The following PDE3B variants were observed in gnomAD, a reference collection of about 807,000 sequenced individuals.
PDE3B encodes phosphodiesterase 3B.
PDE3B carries 66 observed loss-of-function variants against 116.8 expected under a neutral mutation model. The observed-to-expected ratio is 0.56, with a 90% confidence interval of 0.46 to 0.69. The LOEUF (loss-of-function observed/expected upper bound fraction) is 0.69, where lower values mean the gene tolerates loss of function less well. Among genes scored for constraint, PDE3B ranks in the 30% least tolerant of loss-of-function variants. PDE3B has a pLI of 0.00. For missense variants in PDE3B, 1,384 were observed against 1,368.1 expected, an observed-to-expected ratio of 1.01 and a Z score of -0.18; for synonymous variants, 595 against 533.6, an observed-to-expected ratio of 1.12 and a Z score of -1.59.
chr11:14,746,208 A>T (rs1372280496), intron 1 of PDE3B, among the ~76,000 whole-genome samples: 1 of 152,148 alleles, frequency 6.6e-6, no homozygotes, highest in Non-Finnish European at 1.5e-5. Flanking sequence ...AGCCTGGCCA[A>T]CATGGTGAAA....
In PDE3B at chr11:14,800,940, A is replaced by G. The variant is rs143813966; in HGVS notation, c.1416-3004A>G. ...TGATATCCTTTCTTCCACTTGATCA[A>G]TTAGGCTATTGATACTTGTGTATGC... On this transcript the variant is annotated intron_variant, in intron 4 of 15. Transcript: ENST00000282096. Among the ~76,000 whole-genome samples the G allele has an allele frequency of 6.3e-3, 958 of 152,124 alleles. 12 individuals are homozygous for G. Among genetic ancestry groups the G allele is most frequent in the African/African-American group, 0.022 (907 of 41,480 alleles).
chr11:14,892,353 C>G, the PDE3B span: 3 of 728,940 alleles, frequency 4.1e-6, no homozygotes, highest in Non-Finnish European at 6.8e-6. Context: ...CAGGCCCCTT[C>G]GGGACAACTA....
intron 2 of PDE3B, among the ~76,000 whole-genome samples, chr11:14,780,434 A>G (rs1857953079): frequency 6.6e-6 from 1 of 152,228 alleles, no homozygotes; most frequent in African/African-American, 2.4e-5. Flanking sequence ...TCCTCAGCAA[A>G]TGTAAAAGAA....
At chr11:14,672,590 T>C (rs896437676) in intron 1 of PDE3B, among the ~76,000 whole-genome samples, 1 of 152,146 alleles carries the variant, frequency 6.6e-6, no homozygotes, top group Non-Finnish European at 1.5e-5. Context: ...AAGAAGTTTA[T>C]TTATCATATA....
chr11:14,750,469 A>G (rs1295369459), intron 1 of PDE3B, among the ~76,000 whole-genome samples: 1 of 152,104 alleles, frequency 6.6e-6, no homozygotes, highest in African/African-American at 2.4e-5. Context: ...CTTTATATCC[A>G]CTATAGTTGT....
In PDE3B at chr11:14,644,795, G is replaced by T. The variant is rs1456927833; in HGVS notation, c.720G>T (p.Leu240=). The change falls in exon 1 of 16, where the codon CTG becomes CTT. Residue 240 remains leucine, a synonymous_variant. Transcript: ENST00000282096. ...TCTCCTTCACCAGCCTCGGGTCGCT[G>T]CCCTCCGCCCTCAGGCCGCTGCTCT... ...WWVSFTSLGS[L]PSALRPLLSG... The T allele has an allele frequency of 6.2e-7, 1 of 1,610,410 alleles. No individual in the cohort carries two copies. Among genetic ancestry groups the T allele is most frequent in the Non-Finnish European group, 8.5e-7 (1 of 1,178,286 alleles).
At chr11:14,876,185 A>C (rs573602419), downstream of PDE3B, among the ~76,000 whole-genome samples, 1 of 152,254 alleles carries the variant, frequency 6.6e-6, no homozygotes, top group African/African-American at 2.4e-5. Context: ...AAGAAAGAAC[A>C]AAGACTAAGG....
In PDE3B at chr11:14,704,560, A is replaced by G. The variant is rs190474837; in HGVS notation, c.978+59507A>G. Among the ~76,000 whole-genome samples, 281 of 151,888 alleles carry G rather than the reference A, an allele frequency of 1.9e-3. 1 individual carries two copies. The highest frequency in any genetic ancestry group is 6.3e-3 in the African/African-American group (260 of 41,546). On this transcript the variant is annotated intron_variant, in intron 1 of 15. Coordinates refer to ENST00000282096, the MANE Select transcript of PDE3B (RefSeq NM_000922.4). ...GAGATTTACTTAAAGACAATGTGGT[A>G]TTAGTGATAGAATGGATATTATGGA... is the stretch of plus-strand genomic sequence containing the variant.
At chr11:14,705,369 C>T (rs982110635) in intron 1 of PDE3B, among the ~76,000 whole-genome samples, 4 of 151,742 alleles carry the variant, frequency 2.6e-5, no homozygotes, top group Admixed American at 6.6e-5. Context: ...AAAAACATGA[C>T]GCTAAATGGA....
intron 12 of PDE3B, among the ~76,000 whole-genome samples, chr11:14,849,398 A>G (rs1034312384): frequency 2.0e-5 from 3 of 152,162 alleles, no homozygotes; most frequent in African/African-American, 7.2e-5. Flanking sequence ...AAGAAAACCT[A>G]GGCATTACCA....
intron 4 of PDE3B, among the ~76,000 whole-genome samples, chr11:14,790,910 G>C (rs1858362759): frequency 6.6e-6 from 1 of 151,976 alleles, no homozygotes; most frequent in South Asian, 2.1e-4. Context: ...TCAAATCTCT[G>C]GATCAGTGCT....
intron 1 of PDE3B, among the ~76,000 whole-genome samples, chr11:14,693,407 A>G (rs923796973): frequency 1.3e-5 from 2 of 152,314 alleles, no homozygotes; most frequent in Non-Finnish European, 2.9e-5. Flanking sequence ...TAGAGAGAAG[A>G]GGTCAATGCC....
chr11:14,716,261 A>T (rs542783146), intron 1 of PDE3B, among the ~76,000 whole-genome samples: 2 of 152,196 alleles, frequency 1.3e-5, no homozygotes, highest in Non-Finnish European at 2.9e-5. Context: ...CCTGGCTTGG[A>T]GGGTGCTACG....
chr11:14,725,981 A>G (rs1320580786), intron 1 of PDE3B, among the ~76,000 whole-genome samples: 1 of 152,144 alleles, frequency 6.6e-6, no homozygotes, highest in Non-Finnish European at 1.5e-5. Flanking sequence ...GCATTTTGGA[A>G]TGCTCTTTCC....
chr11:14,807,090 C>T (rs1444422961), intron 5 of PDE3B, among the ~76,000 whole-genome samples: 1 of 151,910 alleles, frequency 6.6e-6, no homozygotes, highest in Non-Finnish European at 1.5e-5. Flanking sequence ...GGGAACATCA[C>T]ACACTGGGAC....
At chr11:14,802,133 G>C (rs1238637893) in intron 4 of PDE3B, among the ~76,000 whole-genome samples, 1 of 152,202 alleles carries the variant, frequency 6.6e-6, no homozygotes, top group Non-Finnish European at 1.5e-5. Context: ...CTTTCCGGGG[G>C]AGTATAGGGT....
chr11:14,792,872 C>T (rs1858433912), intron 4 of PDE3B, among the ~76,000 whole-genome samples: 1 of 152,154 alleles, frequency 6.6e-6, no homozygotes, highest in Non-Finnish European at 1.5e-5. Context: ...GGTCCTTCTC[C>T]CTTCTCCAAG....
At chr11:14,761,604 T>C (rs1214269291) in intron 1 of PDE3B, among the ~76,000 whole-genome samples, 1 of 152,172 alleles carries the variant, frequency 6.6e-6, no homozygotes, top group East Asian at 1.9e-4. Flanking sequence ...CGTAAAACTT[T>C]TAGTACATTT....
intron 1 of PDE3B, among the ~76,000 whole-genome samples, chr11:14,697,387 A>G (rs1353334204): frequency 6.6e-6 from 1 of 152,084 alleles, no homozygotes; most frequent in African/African-American, 2.4e-5. Flanking sequence ...TCAGACTTTC[A>G]GTGGTCTTTT....
Sources: allele counts gnomAD v4.1 joint callset (sites outside exome capture counted in the v4.1 genomes callset), GRCh38; gene constraint gnomAD v4.1.1; transcripts MANE v1.5; gene names NCBI Gene and HGNC (gene_info 2026-07-23, HGNC 2026-07-21).